AP1M2: variants seen among roughly 807,000 people sequenced by gnomAD.
AP1M2 encodes AP-1 complex subunit mu-2.
Under a neutral mutation model 54.6 loss-of-function variants are expected in AP1M2, and 41 were observed. The observed-to-expected ratio is 0.75, with a 90% confidence interval of 0.59 to 0.97. AP1M2 has a LOEUF of 0.97. Ranked by LOEUF, AP1M2 falls within the 50% of genes least tolerant of loss-of-function variation. AP1M2 has a pLI of 0.00. For missense variants in AP1M2, 507 were observed against 561.2 expected (o/e 0.90, Z 0.98); for synonymous variants, 219 against 215.9 (o/e 1.01, Z -0.13).
chr19:10,576,609 G>C (rs1917243615), intron 9 of AP1M2, among the ~76,000 whole-genome samples: 1 of 151,812 alleles, frequency 6.6e-6, no homozygotes, highest in African/African-American at 2.4e-5. Context: ...ATGTTGGCCA[G>C]GCTGGTCTTG....
chr19:10,582,685 T>C (rs901805586), intron 3 of AP1M2, among the ~76,000 whole-genome samples: 1 of 146,348 alleles, frequency 6.8e-6, no homozygotes, highest in Admixed American at 6.8e-5. Context: ...GAGGTAGAGG[T>C]TGCAGTGAGC....
chr19:10,579,533 TA>T (rs60987736), intron 7 of AP1M2, among the ~76,000 whole-genome samples, 182 bp downstream of exon 7: 38,243 of 152,130 alleles, frequency 0.25, 5,739 homozygotes, highest in East Asian at 0.63. Flanking sequence ...TTTGTATTTT[TA>T]GTAGAGACAG....
At chr19:10,584,554 T>A (rs1917568828) in intron 1 of AP1M2, among the ~76,000 whole-genome samples, 1 of 150,478 alleles carries the variant, frequency 6.6e-6, no homozygotes, top group African/African-American at 2.5e-5. Flanking sequence ...CACTCCAGCC[T>A]GGCGACAGAG....
chr19:10,585,504 C>T (rs1669966794), intron 1 of AP1M2, among the ~76,000 whole-genome samples: 1 of 151,794 alleles, frequency 6.6e-6, no homozygotes, highest in Non-Finnish European at 1.5e-5. Context: ...CGAGACCATC[C>T]AGGCCAACAT....
rs1230481327 is a variant in AP1M2, at chr19:10,572,794, C to A, written c.*272G>T. 2 of 390,602 alleles carry A rather than the reference C, an allele frequency of 5.1e-6. No individual in the cohort carries two copies. Among genetic ancestry groups the A allele is most frequent in the Admixed American group, 3.9e-5 (1 of 25,716 alleles). The allele number at this position is 390,602 out of a possible 1,614,324, so 24.2% of individuals were successfully genotyped here. ...AGGCAGGTAATTGCAAGAAGGCACTCGCGAGGAGGACTTCAAGCCCCTCTT... is the reference window on the plus strand; with the variant it reads ...AGGCAGGTAATTGCAAGAAGGCACTAGCGAGGAGGACTTCAAGCCCCTCTT... On this transcript the variant is annotated 3_prime_UTR_variant, in exon 12 of 12. Transcript: ENST00000250244.
chr19:10,580,047 T>G lies in AP1M2; in HGVS notation c.674-189A>C, dbSNP rs934093659. ...TATCTGTACAGGATCTGGCTTGGTTTTTTTTTTTTTTTTTTTTTTTTTGAG... is the reference window on the plus strand; with the variant it reads ...TATCTGTACAGGATCTGGCTTGGTTGTTTTTTTTTTTTTTTTTTTTTTGAG... On this transcript the variant is annotated intron_variant, in intron 6 of 11. Transcript: ENST00000250244. Among the ~76,000 whole-genome samples, 14 of 86,260 alleles carry G rather than the reference T, an allele frequency of 1.6e-4. No homozygotes were observed. In the East Asian group the frequency reaches 3.0e-3, roughly 18 times the overall value. 56.6% of individuals were successfully genotyped at this position (86,260 alleles called of 152,430 possible).
In AP1M2 at chr19:10,578,951, T is replaced by A; in HGVS notation, c.829A>T (p.Ile277Phe). 6.2e-7 allele frequency: 1 copy of A among 1,605,756 alleles called. No individual in the cohort carries two copies. Among genetic ancestry groups the A allele is most frequent in the Non-Finnish European group, 8.5e-7 (1 of 1,176,250 alleles). ...YRLSTQVKPL[I>F]WIESVIEKFS... ...TTCTCAATGACAGACTCAATCCAGA[T>A]CAGTGGCTTGACCTGTGGGAAGAAG... is the stretch of plus-strand genomic sequence containing the variant. Residue 277 changes from isoleucine (I) to phenylalanine (F), a missense_variant, in exon 8 of 12, where the codon ATC becomes TTC. Physicochemically the swap from Ile to Phe is conservative, Grantham distance 21. Transcript: ENST00000250244.
chr19:10,584,223 G>C (rs1917561323), intron 1 of AP1M2, among the ~76,000 whole-genome samples, 153 bp from the exon 2 acceptor site: 1 of 152,202 alleles, frequency 6.6e-6, no homozygotes, highest in South Asian at 2.1e-4. Flanking sequence ...TGTAAAATGG[G>C]AGTGTGATGA....
Position 10,575,067 on chromosome 19 carries a change from G to A in AP1M2, c.1048-38C>T, listed in dbSNP as rs373433481. 4.9e-5 allele frequency: 71 copies of A among 1,436,626 alleles called. 1 individual carries two copies. The Middle Eastern group carries it at 1.1e-3, about 22-fold the overall frequency. 89.0% of individuals were successfully genotyped at this position (1,436,626 alleles called of 1,614,324 possible). A position where few individuals can be genotyped will look rare whatever the true frequency, so the allele number is the denominator to read the frequency against. On this transcript the variant is annotated intron_variant, in intron 9 of 11. Coordinates refer to ENST00000250244, the MANE Select transcript of AP1M2 (RefSeq NM_005498.5). ...GGGGGCATCAGGTACACGAGGGTCC[G>A]CCTACCCTCCCGAGACCTTCCTTTC...
At chr19:10,575,151 T>G (rs553245693) in intron 9 of AP1M2, 122 bp from the exon 10 acceptor site, 2 of 1,144,808 alleles carry the variant, frequency 1.7e-6, no homozygotes, top group South Asian at 5.1e-5. Context: ...AAATAAAGGC[T>G]CCTTAGCCTG....
chr19:10,583,503 A>G (rs1420746623), intron 3 of AP1M2, 103 bp downstream of exon 3: 5 of 878,498 alleles, frequency 5.7e-6, no homozygotes, highest in Non-Finnish European at 3.5e-6. Flanking sequence ...ACCCAGGGAG[A>G]TCTGGGAAGG....
At chr19:10,580,101 G>A (rs553896651) in intron 6 of AP1M2, among the ~76,000 whole-genome samples, 2 of 139,368 alleles carry the variant, frequency 1.4e-5, no homozygotes, top group East Asian at 4.3e-4. Context: ...TGCCCAGACT[G>A]GAGTGCGATG....
intron 1 of AP1M2, 107 bp from the exon 2 acceptor site, chr19:10,584,177 G>C (rs1917560270): frequency 1.4e-6 from 2 of 1,392,598 alleles, no homozygotes; most frequent in East Asian, 2.5e-5. Context: ...GAGGGGCTTG[G>C]GCAAGGCTCT....
At chr19:10,585,965 T>C (rs116197421) in intron 1 of AP1M2, among the ~76,000 whole-genome samples, 2,432 of 151,894 alleles carry the variant, frequency 0.016, 55 homozygotes, top group African/African-American at 0.055. Context: ...AGACTCCATC[T>C]GTACAAAAAA....
At chr19:10,586,317 T>C (rs1430509581) in intron 1 of AP1M2, among the ~76,000 whole-genome samples, 2 of 145,718 alleles carry the variant, frequency 1.4e-5, no homozygotes, top group Non-Finnish European at 3.0e-5. Context: ...TAGCCAGGCA[T>C]GGTGGCATGC....
At chr19:10,583,889 C>A (rs1188028418) in intron 2 of AP1M2, 25 bp downstream of exon 2, 2 of 1,580,640 alleles carry the variant, frequency 1.3e-6, no homozygotes, top group Non-Finnish European at 1.7e-6. Context: ...CACCCACCTC[C>A]AGGGACACCA....
At chr19:10,584,319 G>A (rs1271135132) in intron 1 of AP1M2, among the ~76,000 whole-genome samples, 4 of 152,202 alleles carry the variant, frequency 2.6e-5, no homozygotes, top group Non-Finnish European at 4.4e-5. Flanking sequence ...AGTGGCTCAC[G>A]CCTGTGATCC....
chr19:10,574,371 C>T (rs1341407990), intron 11 of AP1M2, 46 bp downstream of exon 11: 1 of 1,452,348 alleles, frequency 6.9e-7, no homozygotes, highest in Non-Finnish European at 9.3e-7. Context: ...TCCCTACCCA[C>T]TGCCTTTCCC....
At chr19:10,574,522 G>A (rs774040584) in intron 10 of AP1M2, 30 bp from the exon 11 acceptor site, 84 of 1,537,150 alleles carry the variant, frequency 5.5e-5, no homozygotes, top group Non-Finnish European at 7.1e-5. Context: ...GGTGGTCCAG[G>A]ATTGCAGGAG....
Sources: gnomAD v4.1 joint callset for allele counts (sites outside exome capture counted in the v4.1 genomes callset) on GRCh38, gnomAD v4.1.1 for gene constraint, MANE v1.5 for transcripts, NCBI Gene and HGNC (gene_info 2026-07-23, HGNC 2026-07-21) for gene names.